CFAP206: variants seen among roughly 807,000 people sequenced by gnomAD.
The protein encoded by CFAP206 is cilia and flagella associated protein 206.
A neutral mutation model predicts 65.4 loss-of-function variants in CFAP206; 53 were observed. That is an observed-to-expected ratio of 0.81 (90% CI 0.65 to 1.02). The LOEUF is 1.02. Among genes scored for constraint, CFAP206 ranks in the 50% least tolerant of loss-of-function variants. The pLI is 0.00. For missense variants in CFAP206, 663 were observed against 753.2 expected, an observed-to-expected ratio of 0.88 and a Z score of 1.40; for synonymous variants, 250 against 254.4, an observed-to-expected ratio of 0.98 and a Z score of 0.17.
chr6:87,410,777 ATAG>A, intron 3 of CFAP206, 109 bp downstream of exon 3: 3 of 832,868 alleles, frequency 3.6e-6, no homozygotes, highest in Non-Finnish European at 6.0e-6. Flanking sequence ...AGCCCACAAA[ATAG>A]TAGTATACAC....
At chr6:87,444,558 A>G (rs1278432456) in intron 11 of CFAP206, 34 of 308,338 alleles carry the variant, frequency 1.1e-4, no homozygotes, top group Non-Finnish European at 1.8e-4. Context: ...ATCACTAAGA[A>G]TGTCATTGAG....
At chr6:87,463,947 C>A in intron 12 of CFAP206, 73 bp from the exon 13 acceptor site, 1 of 1,165,344 alleles carries the variant, frequency 8.6e-7, no homozygotes. Context: ...CAGATATTAA[C>A]TGGTATCTGA....
At chr6:87,440,972 G>A (rs935053283) in intron 11 of CFAP206, among the ~76,000 whole-genome samples, 12 of 152,128 alleles carry the variant, frequency 7.9e-5, no homozygotes, top group Non-Finnish European at 1.5e-4. Context: ...AAGGAAGAGA[G>A]TATTCATGGA....
intron 11 of CFAP206, 118 bp from the exon 12 acceptor site, chr6:87,460,904 T>G: frequency 1.3e-6 from 1 of 768,228 alleles, no homozygotes; most frequent in Non-Finnish European, 2.0e-6. Flanking sequence ...ACAAGTATAT[T>G]CCATGTCCAA....
intron 11 of CFAP206, among the ~76,000 whole-genome samples, chr6:87,443,797 C>T (rs1476436708): frequency 1.3e-5 from 2 of 152,064 alleles, no homozygotes; most frequent in African/African-American, 4.8e-5. Flanking sequence ...TCTAGTAGCC[C>T]CCAGTATCTG....
chr6:87,437,686 C>A (rs1768296196), intron 11 of CFAP206, among the ~76,000 whole-genome samples: 2 of 151,354 alleles, frequency 1.3e-5, no homozygotes, highest in African/African-American at 4.9e-5. Context: ...GACAGAGGCT[C>A]ACTCTGTAGC....
At chr6:87,460,242 G>C (rs909696580) in intron 11 of CFAP206, among the ~76,000 whole-genome samples, 1 of 152,142 alleles carries the variant, frequency 6.6e-6, no homozygotes, top group African/African-American at 2.4e-5. Context: ...CCTGGAATTA[G>C]TGAATTCTTA....
intron 1 of CFAP206, chr6:87,408,611 A>G (rs1767671712): frequency 6.7e-6 from 1 of 149,204 alleles, no homozygotes; most frequent in Non-Finnish European, 1.5e-5. Flanking sequence ...CCGGAGCGCG[A>G]CGGACTCTCC....
intron 11 of CFAP206, among the ~76,000 whole-genome samples, chr6:87,457,397 C>T (rs1047049828): frequency 5.3e-5 from 8 of 152,120 alleles, no homozygotes; most frequent in Non-Finnish European, 1.0e-4. Context: ...GGAGGAATCA[C>T]ATTACCTAAC....
chr6:87,448,532 C>T (rs917763060), intron 11 of CFAP206, among the ~76,000 whole-genome samples: 2 of 152,130 alleles, frequency 1.3e-5, no homozygotes, highest in South Asian at 2.1e-4. Flanking sequence ...TCTCCTCTGG[C>T]TATTTTGAAA....
At chr6:87,418,077 C>T in intron 6 of CFAP206, 131 bp from the exon 7 acceptor site, 4 of 792,082 alleles carry the variant, frequency 5.0e-6, no homozygotes, top group Middle Eastern at 2.8e-4. Flanking sequence ...AAACACATGC[C>T]TCATTATTAC....
chr6:87,438,977 C>G (rs1228558275), intron 11 of CFAP206, among the ~76,000 whole-genome samples: 2 of 152,116 alleles, frequency 1.3e-5, no homozygotes, highest in African/African-American at 4.8e-5. Flanking sequence ...CATCTCTATC[C>G]TAATACCACA....
At chr6:87,419,730 C>G (rs542830397) in intron 7 of CFAP206, among the ~76,000 whole-genome samples, 1 of 152,276 alleles carries the variant, frequency 6.6e-6, no homozygotes, top group South Asian at 2.1e-4. Flanking sequence ...TGCACTTGGT[C>G]TGTCCTCTCT....
At chr6:87,415,529 A>T in intron 4 of CFAP206, 157 bp from the exon 5 acceptor site, 2 of 734,800 alleles carry the variant, frequency 2.7e-6, no homozygotes, top group Non-Finnish European at 2.4e-6. Context: ...TTGAGGCTAC[A>T]TGCTGGCCAC....
intron 6 of CFAP206, 23 bp from the exon 7 acceptor site, chr6:87,418,185 C>T (rs754347127): frequency 6.2e-7 from 1 of 1,609,204 alleles, no homozygotes; most frequent in African/African-American, 1.3e-5. Context: ...TTTATGGCTG[C>T]CTTTTCATAC....
At chr6:87,444,728 A>C (rs1768415855) in intron 11 of CFAP206, 2 of 378,164 alleles carry the variant, frequency 5.3e-6, no homozygotes, top group African/African-American at 2.1e-5. Flanking sequence ...TTGATCGCTC[A>C]CTCTTCATGG....
At chr6:87,417,075 C>G (rs1183909007) in intron 6 of CFAP206, among the ~76,000 whole-genome samples, 2 of 152,104 alleles carry the variant, frequency 1.3e-5, no homozygotes, top group Non-Finnish European at 2.9e-5. Context: ...AATGAAGGGT[C>G]CTGCTCAAAG....
At chr6:87,412,644 A>C (rs898717505) in intron 3 of CFAP206, among the ~76,000 whole-genome samples, 2 of 151,878 alleles carry the variant, frequency 1.3e-5, no homozygotes, top group African/African-American at 4.8e-5. Context: ...TTTTAATTTT[A>C]ATTTAATTTA....
chr6:87,426,418 C>T (rs1464343076), intron 7 of CFAP206, 108 bp from the exon 8 acceptor site: 11 of 750,940 alleles, frequency 1.5e-5, no homozygotes, highest in Non-Finnish European at 1.8e-5. Flanking sequence ...TTCCTGCTGT[C>T]ATTGAGCCTA....
Sources: gnomAD v4.1 joint callset for allele counts (sites outside exome capture counted in the v4.1 genomes callset) on GRCh38, gnomAD v4.1.1 for gene constraint, MANE v1.5 for transcripts, NCBI Gene and HGNC (gene_info 2026-07-23, HGNC 2026-07-21) for gene names.